PEAK1: variants seen among roughly 807,000 people sequenced by gnomAD.
PEAK1 encodes inactive tyrosine-protein kinase PEAK1.
In PEAK1, 54 loss-of-function variants were observed where a neutral mutation model predicts 124.7. The ratio of observed to expected loss-of-function variants is 0.43; its 90% CI spans 0.35 to 0.54. The LOEUF is 0.54. Among genes scored for constraint, PEAK1 ranks in the 20% least tolerant of loss-of-function variants. The pLI is 0.01. For missense variants in PEAK1, 2,046 were observed against 2,134.5 expected, an observed-to-expected ratio of 0.96 and a Z score of 0.82; for synonymous variants, 719 against 760.0, an observed-to-expected ratio of 0.95 and a Z score of 0.89.
intron 1 of PEAK1, among the ~76,000 whole-genome samples, chr15:77,383,371 T>C (rs970308841): frequency 2.0e-5 from 3 of 152,140 alleles, no homozygotes; most frequent in Non-Finnish European, 2.9e-5. Flanking sequence ...CACACTGCAA[T>C]AGGAAATCTG....
chr15:77,232,956 A>C (rs1448993977), intron 6 of PEAK1, among the ~76,000 whole-genome samples: 2 of 152,152 alleles, frequency 1.3e-5, no homozygotes, highest in Non-Finnish European at 2.9e-5. Flanking sequence ...ATTGTTGGCC[A>C]GGCTGGTCTC....
intron 2 of PEAK1, among the ~76,000 whole-genome samples, chr15:77,322,671 T>A (rs999782068): frequency 1.3e-5 from 2 of 152,114 alleles, no homozygotes; most frequent in Non-Finnish European, 2.9e-5. Context: ...CAGGACCAGA[T>A]GGATTCACAG....
chr15:77,102,679 T>C (rs1310280364), exon 7 of PEAK1: 2 of 152,218 alleles, frequency 1.3e-5, no homozygotes, highest in Non-Finnish European at 2.9e-5. Context: ...TTATCCTATA[T>C]TACATATACT....
intron 6 of PEAK1, among the ~76,000 whole-genome samples, chr15:77,198,117 G>A (rs370861231): frequency 4.6e-5 from 7 of 152,064 alleles, no homozygotes; most frequent in Non-Finnish European, 5.9e-5. Flanking sequence ...ATAAGTATAT[G>A]AATAACCACA....
At chr15:77,377,845 T>TA (rs2069151833) in intron 1 of PEAK1, among the ~76,000 whole-genome samples, 1 of 152,168 alleles carries the variant, frequency 6.6e-6, no homozygotes, top group Non-Finnish European at 1.5e-5. Flanking sequence ...TTACAACTCT[T>TA]ACCTGGTTAG....
intron 5 of PEAK1, among the ~76,000 whole-genome samples, chr15:77,276,803 C>A: frequency 6.6e-6 from 1 of 151,718 alleles, no homozygotes; most frequent in Middle Eastern, 3.4e-3. Context: ...ACCATTAATA[C>A]ACATAAAAAT....
At position 77,114,623 on chromosome 15, in the gene PEAK1, C is replaced by T; in HGVS notation, c.4774G>A (p.Glu1592Lys). The stretch of plus-strand genomic sequence containing the variant: ...TAGATGAGGATGCCTGTCTGGAACT[C>T]ATCACACTTTTTATACTGGGTAGCT... ...ITATQYKKCD[E>K]FQTGILIYEM... is the part of the protein sequence containing the mutation. The change falls in exon 10 of 10, where the codon GAG becomes AAG. Residue 1592 changes from glutamate to lysine, a missense_variant. Physicochemically the swap from Glu to Lys is moderately conservative, Grantham distance 56. Coordinates refer to ENST00000682557, the MANE Select transcript of PEAK1 (RefSeq NM_001385026.1). 1 of 1,613,982 alleles carries T rather than the reference C, an allele frequency of 6.2e-7. No homozygotes were observed. Among genetic ancestry groups the T allele is most frequent in the South Asian group, 1.1e-5 (1 of 91,058 alleles).
rs2053050548 is a variant in PEAK1, at chr15:77,133,446, A to G, written c.3636T>C (p.Ile1212=). 3 of 1,614,212 alleles carry G rather than the reference A, an allele frequency of 1.9e-6. No homozygotes were observed. Among genetic ancestry groups the G allele is most frequent in the Non-Finnish European group, 2.5e-6 (3 of 1,180,034 alleles). ...GCCTTTCCAAGGAGTCATAAGACTC[A>G]ATGTCCAGTCCTTTGAGTTCATAGC... ...SISYELKGLD[I]ESYDSLERPL... is the part of the protein sequence containing the mutation. Residue 1212 remains isoleucine (I), a synonymous_variant, in exon 9 of 10, where the codon ATT becomes ATC. Coordinates refer to ENST00000682557, the MANE Select transcript of PEAK1 (RefSeq NM_001385026.1). The surrounding 1 kb of genome is among the most constrained non-coding windows in gnomAD (Gnocchi z 4.2).
chr15:77,183,738 A>G (rs540213059), intron 6 of PEAK1, among the ~76,000 whole-genome samples: 1 of 152,342 alleles, frequency 6.6e-6, no homozygotes, highest in East Asian at 1.9e-4. Flanking sequence ...TATTTGGAAT[A>G]TATAAAGAAC....
chr15:77,192,479 G>A (rs191068201), intron 6 of PEAK1, among the ~76,000 whole-genome samples: 74 of 152,330 alleles, frequency 4.9e-4, no homozygotes, highest in East Asian at 1.9e-3. Flanking sequence ...CAAGGAGACC[G>A]CAGTCTGACA....
intron 2 of PEAK1, chr15:77,347,281 G>A: frequency 1.0e-6 from 1 of 984,934 alleles, no homozygotes; most frequent in Non-Finnish European, 1.2e-6. Flanking sequence ...AACTATTCAT[G>A]GAAATTCACT....
At chr15:77,199,167 CAAG>C (rs2058245309) in intron 6 of PEAK1, among the ~76,000 whole-genome samples, 1 of 152,190 alleles carries the variant, frequency 6.6e-6, no homozygotes, top group Non-Finnish European at 1.5e-5. Context: ...GTTTATACAG[CAAG>C]AAGGTCTGAA....
chr15:77,173,724 C>T (rs926267242), intron 7 of PEAK1, among the ~76,000 whole-genome samples: 1 of 152,176 alleles, frequency 6.6e-6, no homozygotes, highest in African/African-American at 2.4e-5. Context: ...AGCCACATGT[C>T]CTGCTTCTGT....
chr15:77,335,180 C>T (rs2066122258), intron 2 of PEAK1: 1 of 985,446 alleles, frequency 1.0e-6, no homozygotes. Flanking sequence ...ATTAAGTTTA[C>T]TGTCCCTCCC....
At chr15:77,124,885 C>T (rs1448650583) in intron 9 of PEAK1, among the ~76,000 whole-genome samples, 1 of 152,174 alleles carries the variant, frequency 6.6e-6, no homozygotes, top group Non-Finnish European at 1.5e-5. Flanking sequence ...ATACAAAAGG[C>T]CCTTTCTTAT....
At chr15:77,367,638 A>G (rs2068343115) in intron 1 of PEAK1, among the ~76,000 whole-genome samples, 1 of 152,204 alleles carries the variant, frequency 6.6e-6, no homozygotes, top group Admixed American at 6.5e-5. Context: ...AATACATACA[A>G]TGTTAATAGT....
intron 6 of PEAK1, among the ~76,000 whole-genome samples, chr15:77,201,843 T>A (rs1268614459): frequency 6.6e-6 from 1 of 152,190 alleles, no homozygotes; most frequent in East Asian, 1.9e-4. Flanking sequence ...ATACAGCCTG[T>A]CACTTAGCTA....
intron 6 of PEAK1, among the ~76,000 whole-genome samples, chr15:77,225,978 T>C (rs1203509594): frequency 7.3e-6 from 1 of 137,460 alleles, no homozygotes; most frequent in Non-Finnish European, 1.5e-5. Context: ...AATCGATCCT[T>C]AACCAAGAAA....
intron 1 of PEAK1, among the ~76,000 whole-genome samples, chr15:77,400,032 A>C (rs2071222698): frequency 6.6e-6 from 1 of 152,194 alleles, no homozygotes; most frequent in Non-Finnish European, 1.5e-5. Flanking sequence ...CTCAAAAGAC[A>C]TGCAAATGGC....
Sources: gnomAD v4.1 joint callset for allele counts (sites outside exome capture counted in the v4.1 genomes callset) on GRCh38, gnomAD v4.1.1 for gene constraint, Gnocchi (gnomAD v3.1) non-coding constraint, MANE v1.5 for transcripts, NCBI Gene and HGNC (gene_info 2026-07-23, HGNC 2026-07-21) for gene names.